The following PPP2R5E variants were observed in gnomAD, a reference collection of about 807,000 sequenced individuals.
The protein encoded by PPP2R5E is serine/threonine-protein phosphatase 2A 56 kDa regulatory subunit epsilon isoform.
Under a neutral mutation model 65.3 loss-of-function variants are expected in PPP2R5E, and 4 were observed. The ratio of observed to expected loss-of-function variants is 0.06; its 90% CI spans 0.03 to 0.14. The LOEUF is 0.14. Among genes scored for constraint, PPP2R5E ranks in the 10% least tolerant of loss-of-function variants. The pLI is 1.00. For synonymous variants in PPP2R5E, 183 were observed against 187.4 expected (o/e 0.98, Z 0.19); for missense variants, 274 against 556.1 (o/e 0.49, Z 5.10).
intron 1 of PPP2R5E, among the ~76,000 whole-genome samples, chr14:63,539,982 G>A (rs562205946): frequency 4.6e-5 from 7 of 151,392 alleles, no homozygotes; most frequent in African/African-American, 1.5e-4. Flanking sequence ...AAAATTAGCC[G>A]GGCATGATGG....
intron 3 of PPP2R5E, among the ~76,000 whole-genome samples, chr14:63,441,526 T>C (rs8003647): frequency 0.23 from 34,788 of 152,218 alleles, 4,285 homozygotes; most frequent in East Asian, 0.31. Context: ...AGATATTTAG[T>C]GCACACAGGG....
intron 3 of PPP2R5E, among the ~76,000 whole-genome samples, chr14:63,446,730 G>A (rs1440275588): frequency 1.3e-5 from 2 of 151,072 alleles, no homozygotes; most frequent in African/African-American, 4.9e-5. Context: ...TCGGGAGGCT[G>A]AGGCAGAAGA....
chr14:63,380,347 C>CA (rs1441658579), intron 13 of PPP2R5E, among the ~76,000 whole-genome samples: 3 of 151,922 alleles, frequency 2.0e-5, no homozygotes, highest in Admixed American at 2.0e-4. Flanking sequence ...TAATTTGCAA[C>CA]AATCGCTAAT....
At chr14:63,482,350 T>C (rs934284788) in intron 2 of PPP2R5E, among the ~76,000 whole-genome samples, 7 of 152,028 alleles carry the variant, frequency 4.6e-5, no homozygotes, top group African/African-American at 1.7e-4. Context: ...TCTCAGCTAC[T>C]CAGGAGGCTG....
chr14:63,406,537 C>T (rs1300740583), intron 5 of PPP2R5E, among the ~76,000 whole-genome samples: 1 of 152,152 alleles, frequency 6.6e-6, no homozygotes, highest in Non-Finnish European at 1.5e-5. Context: ...ACCTAGAGAC[C>T]AACCGTTACT....
intron 5 of PPP2R5E, 67 bp downstream of exon 5, chr14:63,415,073 A>G (rs2139861503): frequency 8.5e-7 from 1 of 1,182,016 alleles, no homozygotes; most frequent in South Asian, 1.4e-5. Context: ...TTTAACAAAC[A>G]TGAAGAGAAA....
At chr14:63,520,851 T>A (rs1471871778) in intron 2 of PPP2R5E, among the ~76,000 whole-genome samples, 2 of 26,738 alleles carry the variant, frequency 7.5e-5, no homozygotes, top group Non-Finnish European at 8.8e-5. Context: ...TCATCTCTAC[T>A]AAAAATACAA....
chr14:63,461,750 G>A (rs1394071525), intron 2 of PPP2R5E, among the ~76,000 whole-genome samples: 5 of 151,898 alleles, frequency 3.3e-5, no homozygotes, highest in Middle Eastern at 3.2e-3. Context: ...AGCTATAAGC[G>A]TGCTACTGTA....
intron 2 of PPP2R5E, among the ~76,000 whole-genome samples, chr14:63,529,361 CTTTT>C (rs557363996): frequency 7.7e-6 from 1 of 129,638 alleles, no homozygotes; most frequent in Admixed American, 7.7e-5. Flanking sequence ...AGCCCAAAGA[CTTTT>C]TTTTTTTTTT....
At chr14:63,495,243 TGAGAGA>T (rs971234809) in intron 2 of PPP2R5E, among the ~76,000 whole-genome samples, 4 of 148,376 alleles carry the variant, frequency 2.7e-5, no homozygotes, top group African/African-American at 1.0e-4. Context: ...ATATATATAG[TGAGAGA>T]GAAAGAGTAC....
chr14:63,526,544 A>G (rs1594973306), intron 2 of PPP2R5E, among the ~76,000 whole-genome samples: 1 of 149,650 alleles, frequency 6.7e-6, no homozygotes, highest in African/African-American at 2.5e-5. Flanking sequence ...CTCTCTCTCA[A>G]TCTTTCTCTC....
intron 3 of PPP2R5E, among the ~76,000 whole-genome samples, chr14:63,426,412 C>CA (rs59731224): frequency 5.4e-4 from 76 of 140,798 alleles, no homozygotes; most frequent in Admixed American, 1.3e-3. Flanking sequence ...ATGGGAGCAC[C>CA]AAAAAAAAAA....
intron 3 of PPP2R5E, among the ~76,000 whole-genome samples, chr14:63,437,568 T>A (rs1888005492): frequency 6.6e-6 from 1 of 152,168 alleles, no homozygotes; most frequent in Non-Finnish European, 1.5e-5. Context: ...AATTTTTTTT[T>A]AATCTGTCTA....
intron 6 of PPP2R5E, among the ~76,000 whole-genome samples, 170 bp downstream of exon 6, chr14:63,396,416 G>A (rs920773211): frequency 4.6e-5 from 6 of 130,574 alleles, no homozygotes. Context: ...GGGGAGGAGA[G>A]GAGGGGGAGG....
intron 6 of PPP2R5E, among the ~76,000 whole-genome samples, chr14:63,396,353 G>GGAGGAGAAGATGGGGGAGGA (rs754595895): frequency 1.7e-4 from 19 of 110,874 alleles, no homozygotes; most frequent in African/African-American, 6.3e-4. Flanking sequence ...GAGGAGGGTG[G>GGAGGAGAAGATGGGGGAGGA]GAGGAGAAGA....
intron 2 of PPP2R5E, among the ~76,000 whole-genome samples, chr14:63,492,269 T>C (rs1891319921): frequency 2.0e-5 from 3 of 152,136 alleles, no homozygotes; most frequent in African/African-American, 4.8e-5. Flanking sequence ...TATTTTCTAA[T>C]AGGAGATCTT....
chr14:63,429,284 G>A (rs1887496998), intron 3 of PPP2R5E, among the ~76,000 whole-genome samples: 1 of 152,150 alleles, frequency 6.6e-6, no homozygotes, highest in South Asian at 2.1e-4. Context: ...CTGTGAAACT[G>A]TAAGTTCATA....
chr14:63,410,274 T>C (rs1352892149), intron 5 of PPP2R5E, among the ~76,000 whole-genome samples: 5 of 152,144 alleles, frequency 3.3e-5, no homozygotes, highest in Non-Finnish European at 7.4e-5. Context: ...GTAAACGTCA[T>C]CCTGATTTGT....
chr14:63,490,639 C>T (rs1891237875), intron 2 of PPP2R5E, among the ~76,000 whole-genome samples: 1 of 152,034 alleles, frequency 6.6e-6, no homozygotes, highest in Non-Finnish European at 1.5e-5. Context: ...AAAAAATGCT[C>T]ACTATCACTA....
Sources: gnomAD v4.1 joint callset for allele counts (sites outside exome capture counted in the v4.1 genomes callset) on GRCh38, gnomAD v4.1.1 for gene constraint, MANE v1.5 for transcripts, NCBI Gene and HGNC (gene_info 2026-07-23, HGNC 2026-07-21) for gene names.